Variants in WDR46 observed in about 807,000 individuals in gnomAD.
The protein encoded by WDR46 is WD repeat-containing protein 46.
Under a neutral mutation model 74.7 loss-of-function variants are expected in WDR46, and 58 were observed. The ratio of observed to expected loss-of-function variants is 0.78; its 90% CI spans 0.63 to 0.97. The LOEUF (loss-of-function observed/expected upper bound fraction) is 0.97. Ranked by LOEUF, WDR46 falls within the 50% of genes least tolerant of loss-of-function variation. WDR46 has a pLI of 0.00. For synonymous variants in WDR46, 278 were observed against 297.3 expected, an observed-to-expected ratio of 0.93 and a Z score of 0.67; for missense variants, 702 against 790.1, an observed-to-expected ratio of 0.89 and a Z score of 1.34.
In WDR46 at chr6:33,287,680, G is replaced by A; in HGVS notation, c.662C>T (p.Ala221Val). The A allele has an allele frequency of 6.2e-7, 1 of 1,613,936 alleles. No individual in the cohort carries two copies. The highest frequency in any genetic ancestry group is 8.5e-7 in the Non-Finnish European group (1 of 1,180,002). Reference sequence around the variant, plus strand: ...AAGCTTCTTTGTTACCCAATCAAGGGCAGCCACATGACCTCGGCGCCCTCC... The same window carrying A: ...AAGCTTCTTTGTTACCCAATCAAGGACAGCCACATGACCTCGGCGCCCTCC... ...AFGGRRGHVA[A>V]LDWVTKKLMC... The change falls in exon 7 of 15, where the codon GCC becomes GTC. Residue 221 changes from alanine (A) to valine (V), a missense_variant. By Grantham distance (64) the Ala-to-Val change is moderately conservative (BLOSUM62 0). Coordinates refer to ENST00000374617, the MANE Select transcript of WDR46 (RefSeq NM_005452.6).
Position 33,287,516 on chromosome 6 carries a change from G to C in WDR46, c.729-11C>G. 1 of 1,613,412 alleles carries C rather than the reference G, an allele frequency of 6.2e-7. No homozygotes were observed. Among genetic ancestry groups the C allele is most frequent in the South Asian group, 1.1e-5 (1 of 90,996 alleles). On this transcript the variant is annotated splice_polypyrimidine_tract_variant and intron_variant, in intron 7 of 14. Transcript: ENST00000374617. ...TCAGAATGGAGAAACCTGGGGGAGA[G>C]GAAGAGTGGTTCAATTGGGAAATGA...
chr6:33,286,244 C>T (rs967801202), intron 10 of WDR46, among the ~76,000 whole-genome samples: 4 of 152,020 alleles, frequency 2.6e-5, no homozygotes, highest in South Asian at 2.1e-4. Context: ...GTCAGGAATT[C>T]GAGACCAGCC....
rs770082456 is a variant in WDR46 at position 33,287,413 on chromosome 6, C to G, written c.821G>C (p.Arg274Pro). 6.2e-7 allele frequency: 1 copy of G among 1,612,024 alleles called. No homozygotes were observed. Among genetic ancestry groups the G allele is most frequent in the Non-Finnish European group, 8.5e-7 (1 of 1,179,730 alleles). The change falls in exon 8 of 15, where the codon CGC (arginine) becomes CCC (proline). Residue 274 changes from arginine to proline, a missense_variant. Arg to Pro is a moderately radical substitution (Grantham distance 103, BLOSUM62 -2). Transcript: ENST00000374617. ...NQGIELHCIR[R>P]CDRVTRLEFL... Reference sequence around the variant, plus strand: ...CTCAAGCCGTGTTACTCGGTCACAGCGGCGGATACAGTGGAGCTCAATGCC... The same window carrying G: ...CTCAAGCCGTGTTACTCGGTCACAGGGGCGGATACAGTGGAGCTCAATGCC...
At chr6:33,285,618 G>C (rs559535562) in intron 10 of WDR46, among the ~76,000 whole-genome samples, 2 of 151,926 alleles carry the variant, frequency 1.3e-5, no homozygotes, top group East Asian at 3.9e-4. Context: ...CTGCCTCCCA[G>C]GTTCAAGCAA....
rs769642825 is a variant in WDR46 at position 33,279,527 on chromosome 6, C to T, written c.1704G>A (p.Arg568=). Residue 568 remains arginine (R), a synonymous_variant, in exon 14 of 15, where the codon AGG becomes AGA. Coordinates refer to ENST00000374617, the MANE Select transcript of WDR46 (RefSeq NM_005452.6). The part of the protein sequence containing the change: ...GRSSTASLVK[R]KRKVMDEEHR... ...GTTCCTCATCCATGACCTTCCTCTTCCTCTTCACCAGGCTTGCCGTGGAGC... is the reference window on the plus strand; with the variant it reads ...GTTCCTCATCCATGACCTTCCTCTTTCTCTTCACCAGGCTTGCCGTGGAGC... The T allele has an allele frequency of 1.2e-6, 2 of 1,613,980 alleles. No individual in the cohort carries two copies.
intron 10 of WDR46, among the ~76,000 whole-genome samples, chr6:33,284,024 T>G (rs1192058064): frequency 6.6e-6 from 1 of 151,956 alleles, no homozygotes; most frequent in Non-Finnish European, 1.5e-5. Flanking sequence ...CCGAAGCAGG[T>G]GGATCACGAT....
rs1221921045 is a variant in WDR46, at chr6:33,288,858, G to A, written c.225C>T (p.Val75=). The part of the protein sequence containing the change: ...KKSRISKKPQ[V]PKKPREWKNP... ...TCTTCCATTCTCGGGGTTTCTTCGG[G>A]ACCTGAGGCTTCTTAGAGATCCGAG... The change falls in exon 2 of 15, where the codon GTC becomes GTT. Residue 75 remains valine (V), a synonymous_variant. Transcript: ENST00000374617. The A allele has an allele frequency of 1.2e-6, 2 of 1,614,162 alleles. No homozygotes were observed. Among genetic ancestry groups the A allele is most frequent in the South Asian group, 1.1e-5 (1 of 91,078 alleles).
intron 10 of WDR46, 53 bp downstream of exon 10, chr6:33,286,742 A>G (rs1766671350): frequency 6.4e-7 from 1 of 1,565,474 alleles, no homozygotes; most frequent in Admixed American, 1.7e-5. Flanking sequence ...ACTGCCTTCC[A>G]CACCTTTCTG....
In WDR46 at chr6:33,288,161, G is replaced by A. The variant is rs1361647229; in HGVS notation, c.548C>T (p.Ala183Val). The A allele has an allele frequency of 6.2e-7, 1 of 1,614,172 alleles. No homozygotes were observed. Among genetic ancestry groups the A allele is most frequent in the Non-Finnish European group, 8.5e-7 (1 of 1,180,030 alleles). The change falls in exon 5 of 15, where the codon GCA (alanine) becomes GTA (valine). Residue 183 changes from alanine to valine, a missense_variant. By Grantham distance (64) the Ala-to-Val change is moderately conservative. Transcript: ENST00000374617. Reference protein sequence around the residue: ...QADIVEAVDIASAAKHFDLNL... With the variant: ...QADIVEAVDIVSAAKHFDLNL... ...CCTCAGGCTCACCTTGGCTGCACTT[G>A]CAATGTCCACAGCCTCCACAATGTC... is the stretch of plus-strand genomic sequence containing the variant.
intron 10 of WDR46, among the ~76,000 whole-genome samples, chr6:33,282,802 G>C (rs1766299204): frequency 6.6e-6 from 1 of 151,968 alleles, no homozygotes; most frequent in South Asian, 2.1e-4. Flanking sequence ...CTACAGCTTT[G>C]GCCCAGTGGC....
At position 33,287,103 on chromosome 6, in the gene WDR46, C is replaced by T. The variant is rs1026189003; in HGVS notation, c.1003G>A (p.Gly335Arg). The change falls in exon 9 of 15, where the codon GGA becomes AGA. Residue 335 changes from glycine to arginine, a missense_variant. Transcript: ENST00000374617. ...QNPYNAVIHL[G>R]HSNGTVSLWS... Reference sequence around the variant, plus strand: ...GCCAGGTACTGACCATTGCTGTGTCCGAGATGGATGACGGCATTGTAAGGG... The same window carrying T: ...GCCAGGTACTGACCATTGCTGTGTCTGAGATGGATGACGGCATTGTAAGGG... 3.7e-6 allele frequency: 6 copies of T among 1,613,600 alleles called. No homozygotes were observed. Among genetic ancestry groups the T allele is most frequent in the Admixed American group, 1.7e-5 (1 of 59,944 alleles).
At position 33,288,974 on chromosome 6, in the gene WDR46, T is replaced by C; in HGVS notation, c.109A>G (p.Thr37Ala). 6.2e-7 allele frequency: 1 copy of C among 1,614,144 alleles called. No homozygotes were observed. Among genetic ancestry groups the C allele is most frequent in the Non-Finnish European group, 8.5e-7 (1 of 1,180,036 alleles). Residue 37 changes from threonine to alanine, a missense_variant, in exon 2 of 15, where the codon ACA becomes GCA. Physicochemically the swap from Thr to Ala is moderately conservative, Grantham distance 58 (BLOSUM62 0). Coordinates refer to ENST00000374617, the MANE Select transcript of WDR46 (RefSeq NM_005452.6). ...GGAGGCCCTGGAGAGGCTCCGGCTGTGGTCGGAACGGTCTCTTCCTCCCAG... is the reference window on the plus strand; with the variant it reads ...GGAGGCCCTGGAGAGGCTCCGGCTGCGGTCGGAACGGTCTCTTCCTCCCAG... The part of the protein sequence containing the change: ...RYWEEETVPT[T>A]AGASPGPPRN...
At chr6:33,282,853 C>T (rs1002327438) in intron 10 of WDR46, among the ~76,000 whole-genome samples, 2 of 152,216 alleles carry the variant, frequency 1.3e-5, no homozygotes, top group Admixed American at 6.5e-5. Flanking sequence ...TTCTGACTCT[C>T]CTAGAGCCAG....
At chr6:33,287,772 A>G (rs1766803949) in intron 6 of WDR46, 54 bp from the exon 7 acceptor site, 1 of 1,601,266 alleles carries the variant, frequency 6.2e-7, no homozygotes. Flanking sequence ...ACCGACTCAG[A>G]CAACTTGAGG....
intron 10 of WDR46, among the ~76,000 whole-genome samples, chr6:33,283,880 A>G (rs961106599): frequency 6.6e-6 from 1 of 152,140 alleles, no homozygotes; most frequent in Non-Finnish European, 1.5e-5. Flanking sequence ...CCTGGGTGAT[A>G]GATCAAGACT....
In WDR46 at chr6:33,279,508, C is replaced by T. The variant is rs1765933377; in HGVS notation, c.1723G>A (p.Glu575Lys). The T allele has an allele frequency of 9.3e-6, 15 of 1,613,382 alleles. No homozygotes were observed. The highest frequency in any genetic ancestry group is 1.3e-5 in the Non-Finnish European group (15 of 1,180,044). ...LVKRKRKVMD[E>K]EHRDKVRQSL... The stretch of plus-strand genomic sequence containing the variant: ...CAATGCTCATTTACCCTGTGTTCCT[C>T]ATCCATGACCTTCCTCTTCCTCTTC... Residue 575 changes from glutamate (E) to lysine (K), a missense_variant, in exon 14 of 15, where the codon GAG becomes AAG. Transcript: ENST00000374617.
chr6:33,289,064 A>G, intron 1 of WDR46, 38 bp downstream of exon 1: 1 of 1,571,136 alleles, frequency 6.4e-7, no homozygotes, highest in Non-Finnish European at 8.6e-7. Flanking sequence ...CCGACCCCAC[A>G]GCTAAAAACT....
Position 33,279,794 on chromosome 6 carries a change from C to T in WDR46, c.1590G>A (p.Glu530=). The change falls in exon 13 of 15, where the codon GAG becomes GAA. Residue 530 remains glutamate, a synonymous_variant. Transcript: ENST00000374617. ...ALAEVDVISL[E]QGKKEQIERL... is the part of the protein sequence containing the mutation. ...TCTCTATCTGCTCCTTCTTTCCCTG[C>T]TCCAGGGAGATGACATCCACCTCGG... 6.2e-7 allele frequency: 1 copy of T among 1,614,146 alleles called. No homozygotes were observed. The highest frequency in any genetic ancestry group is 8.5e-7 in the Non-Finnish European group (1 of 1,180,000).
In WDR46 at chr6:33,288,005, G is replaced by A; in HGVS notation, c.583C>T (p.Gln195Ter). Residue 195 changes from glutamine (Q) to a stop codon, truncating the protein, a stop_gained, in exon 6 of 15, where the codon CAG becomes TAG. Transcript: ENST00000374617. LOFTEE classifies it high-confidence loss of function. ...AAKHFDLNLR[Q>*]FGPYRLNYSR... ...TAGTTTAGTCTGTAGGGTCCAAACT[G>A]CCGCAGATTCAAGTCAAAGTGCTGG... is the stretch of plus-strand genomic sequence containing the variant. The A allele has an allele frequency of 2.5e-6, 4 of 1,614,110 alleles. No homozygotes were observed. The highest frequency in any genetic ancestry group is 3.4e-6 in the Non-Finnish European group (4 of 1,180,026).
Sources: gnomAD v4.1 joint callset for allele counts (sites outside exome capture counted in the v4.1 genomes callset) on GRCh38, gnomAD v4.1.1 for gene constraint, MANE v1.5 for transcripts, NCBI Gene and HGNC (gene_info 2026-07-23, HGNC 2026-07-21) for gene names.